The following CNTNAP2 variants were observed in gnomAD, a reference collection of about 807,000 sequenced individuals.
CNTNAP2 encodes contactin associated protein 2.
CNTNAP2 carries 98 observed loss-of-function variants against 155.2 expected under a neutral mutation model. The observed-to-expected ratio is 0.63, with a 90% confidence interval of 0.54 to 0.75. CNTNAP2 has a LOEUF of 0.75. Ranked by LOEUF, CNTNAP2 falls within the 30% of genes least tolerant of loss-of-function variation. The pLI is 0.00. For synonymous variants in CNTNAP2, 651 were observed against 631.2 expected (o/e 1.03, Z -0.47); for missense variants, 1,727 against 1,688.1 (o/e 1.02, Z -0.40).
At chr7:146,818,141 T>G (rs374103283) in intron 2 of CNTNAP2, among the ~76,000 whole-genome samples, 8 of 152,178 alleles carry the variant, frequency 5.3e-5, no homozygotes, top group African/African-American at 1.7e-4. Context: ...ACTTTAAAGA[T>G]TCTATTGATT....
intron 18 of CNTNAP2, among the ~76,000 whole-genome samples, chr7:148,209,031 G>T (rs777081818): frequency 2.6e-5 from 4 of 152,074 alleles, no homozygotes; most frequent in African/African-American, 7.2e-5. Context: ...TCATAAAAAT[G>T]ATTTTAAAAT....
At chr7:147,386,127 G>A (rs1182225203) in intron 9 of CNTNAP2, among the ~76,000 whole-genome samples, 1 of 152,138 alleles carries the variant, frequency 6.6e-6, no homozygotes, top group Non-Finnish European at 1.5e-5. Flanking sequence ...AGGGCACCAA[G>A]TCTCTAGACT....
chr7:146,163,509 A>ATATATATCTATATATATCTATATC (rs1562973143), intron 1 of CNTNAP2, among the ~76,000 whole-genome samples: 10 of 43,786 alleles, frequency 2.3e-4, no homozygotes, highest in African/African-American at 7.3e-4. Context: ...CTATATATCT[A>ATATATATCTATATATATCTATATC]TATATATCTA....
chr7:146,811,345 C>A (rs889203942), intron 2 of CNTNAP2, among the ~76,000 whole-genome samples: 4 of 151,976 alleles, frequency 2.6e-5, no homozygotes, highest in Admixed American at 6.6e-5. Context: ...TAGCCTATTT[C>A]TTTATGATTC....
intron 15 of CNTNAP2, among the ~76,000 whole-genome samples, chr7:148,099,868 G>GT (rs751537152): frequency 0.074 from 6,632 of 89,132 alleles, 434 homozygotes; most frequent in African/African-American, 0.13. Context: ...TTTTTTTTTG[G>GT]TTTTTTTTTT....
At chr7:148,137,361 T>G (rs1804976615) in intron 16 of CNTNAP2, among the ~76,000 whole-genome samples, 1 of 152,212 alleles carries the variant, frequency 6.6e-6, no homozygotes, top group South Asian at 2.1e-4. Context: ...GAAAGCTTGC[T>G]ATATAGAAAA....
At chr7:147,848,168 G>A (rs1241043801) in intron 13 of CNTNAP2, among the ~76,000 whole-genome samples, 1 of 139,494 alleles carries the variant, frequency 7.2e-6, no homozygotes, top group Non-Finnish European at 1.6e-5. Context: ...AAGCAAGCCT[G>A]GGCAATGGCG....
chr7:148,099,162 C>T (rs973535172), intron 15 of CNTNAP2, among the ~76,000 whole-genome samples: 16 of 152,274 alleles, frequency 1.1e-4, no homozygotes, highest in East Asian at 3.9e-4. Context: ...TTAAACTTTC[C>T]GTGCCTCAGT....
chr7:146,347,826 A>T (rs913539436), intron 1 of CNTNAP2, among the ~76,000 whole-genome samples: 1 of 152,266 alleles, frequency 6.6e-6, no homozygotes. Context: ...TTGTCCTCCC[A>T]TAGTGTTGGG....
At chr7:148,391,555 T>C (rs1398822304) in intron 22 of CNTNAP2, among the ~76,000 whole-genome samples, 1 of 144,180 alleles carries the variant, frequency 6.9e-6, no homozygotes, top group Non-Finnish European at 1.5e-5. Flanking sequence ...TATATGGTCC[T>C]TAGGAATATT....
intron 1 of CNTNAP2, among the ~76,000 whole-genome samples, chr7:146,517,182 G>A (rs1280753712): frequency 2.0e-5 from 3 of 151,918 alleles, no homozygotes; most frequent in African/African-American, 4.8e-5. Flanking sequence ...TTTTCACTTG[G>A]TAAGCATCTT....
chr7:146,379,077 G>A (rs1485205815), intron 1 of CNTNAP2, among the ~76,000 whole-genome samples: 1 of 152,242 alleles, frequency 6.6e-6, no homozygotes, highest in Non-Finnish European at 1.5e-5. Flanking sequence ...CACAGTGTGT[G>A]TGGGGCCTAG....
intron 1 of CNTNAP2, among the ~76,000 whole-genome samples, chr7:146,692,522 A>G (rs1280162775): frequency 3.3e-5 from 5 of 152,150 alleles, no homozygotes; most frequent in African/African-American, 9.6e-5. Flanking sequence ...ATTTTAACCT[A>G]TTGTCAAGAG....
At chr7:146,922,760 GAAAAT>G (rs1407341755) in intron 3 of CNTNAP2, among the ~76,000 whole-genome samples, 1 of 151,968 alleles carries the variant, frequency 6.6e-6, no homozygotes, top group Non-Finnish European at 1.5e-5. Context: ...GTTTCTTTTT[GAAAAT>G]AAAATGAGAT....
intron 1 of CNTNAP2, among the ~76,000 whole-genome samples, chr7:146,668,441 T>TGGGG (rs35693921): frequency 0.011 from 1,536 of 139,414 alleles, 10 homozygotes; most frequent in South Asian, 0.022. Context: ...TGTGTGTGTG[T>TGGGG]GTGTGTGTGT....
At chr7:147,606,478 A>G (rs998709844) in intron 12 of CNTNAP2, among the ~76,000 whole-genome samples, 1 of 152,208 alleles carries the variant, frequency 6.6e-6, no homozygotes, top group Non-Finnish European at 1.5e-5. Flanking sequence ...GCATTAAACT[A>G]TCTATGTCTA....
chr7:148,166,418 C>T (rs1398773815), intron 17 of CNTNAP2, among the ~76,000 whole-genome samples: 1 of 151,788 alleles, frequency 6.6e-6, no homozygotes, highest in Non-Finnish European at 1.5e-5. Flanking sequence ...AATTAGTGGC[C>T]AGTCTCTTTG....
intron 1 of CNTNAP2, among the ~76,000 whole-genome samples, chr7:146,533,386 A>G (rs1433872461): frequency 1.3e-5 from 2 of 152,170 alleles, no homozygotes; most frequent in Admixed American, 6.5e-5. Flanking sequence ...AGAAAAGATG[A>G]AGATAAAGCA....
chr7:148,061,878 TATAGATAGATAG>T (rs199822052), intron 15 of CNTNAP2, among the ~76,000 whole-genome samples: 8,294 of 112,086 alleles, frequency 0.074, 772 homozygotes, highest in East Asian at 0.4. Context: ...GATAAACAGA[TATAGATAGATAG>T]ATAGATAGAT....
Sources: allele counts gnomAD v4.1 joint callset (sites outside exome capture counted in the v4.1 genomes callset), GRCh38; gene constraint gnomAD v4.1.1; transcripts MANE v1.5; gene names NCBI Gene and HGNC (gene_info 2026-07-23, HGNC 2026-07-21).